Variants in STPG4 observed in about 807,000 individuals in gnomAD.
The protein encoded by STPG4 is sperm-tail PG-rich repeat containing 4, also known as protein STPG4.
STPG4 carries 41 observed loss-of-function variants against 31.5 expected under a neutral mutation model. The observed-to-expected ratio is 1.30, with a 90% CI of 1.01 to 1.69. STPG4 has a LOEUF of 1.69. STPG4 is among the 40% of genes most tolerant of loss of function. The pLI, the probability that STPG4 is intolerant of heterozygous loss-of-function variation, is 0.00. For missense variants in STPG4, 375 were observed against 293.4 expected, an observed-to-expected ratio of 1.28 and a Z score of -2.03; for synonymous variants, 141 against 103.0, an observed-to-expected ratio of 1.37 and a Z score of -2.24.
At chr2:47,088,131 G>C (rs1170956890) in intron 6 of STPG4, among the ~76,000 whole-genome samples, 1 of 151,588 alleles carries the variant, frequency 6.6e-6, no homozygotes, top group African/African-American at 2.4e-5. Flanking sequence ...CCAGCATGGA[G>C]TGCAGTGGCA....
rs1327888962 is a variant in STPG4 at position 47,087,115 on chromosome 2, C to T, written c.640G>A (p.Gly214Arg). ...LPSCSKTPGP[G>R]AYTTLRQFPK... ...AATTGTCTTAAAGTTGTATATGCTCCTGGGCCTGGGGTTTTCTGAAAACAG... is the reference window on the plus strand; with the variant it reads ...AATTGTCTTAAAGTTGTATATGCTCTTGGGCCTGGGGTTTTCTGAAAACAG... Residue 214 changes from glycine to arginine, a missense_variant, in exon 7 of 7, where the codon GGA (glycine) becomes AGA (arginine). Transcript: ENST00000445927. 1 of 1,551,672 alleles carries T rather than the reference C, an allele frequency of 6.4e-7. No individual in the cohort carries two copies. Among genetic ancestry groups the T allele is most frequent in the Non-Finnish European group, 8.7e-7 (1 of 1,147,014 alleles).
chr2:47,132,093 A>T (rs1686496646), intron 3 of STPG4, among the ~76,000 whole-genome samples: 1 of 150,970 alleles, frequency 6.6e-6, no homozygotes, highest in Admixed American at 6.6e-5. Context: ...TGAACCTGGG[A>T]GGCGGGGGTT....
chr2:47,124,606 C>T (rs369668911), intron 5 of STPG4, among the ~76,000 whole-genome samples: 2 of 152,256 alleles, frequency 1.3e-5, no homozygotes. Context: ...AGGAGGACCT[C>T]ATTATTTCTT....
intron 3 of STPG4, among the ~76,000 whole-genome samples, chr2:47,136,142 T>C (rs761002012): frequency 1.2e-4 from 18 of 152,104 alleles, no homozygotes; most frequent in Non-Finnish European, 2.2e-4. Flanking sequence ...AGTTCTTCTT[T>C]GATTTCTTTC....
chr2:47,120,361 G>A (rs1686242839), intron 5 of STPG4, among the ~76,000 whole-genome samples: 1 of 151,730 alleles, frequency 6.6e-6, no homozygotes, highest in African/African-American at 2.4e-5. Context: ...AACAAACTGG[G>A]GACCAGCAGA....
intron 5 of STPG4, among the ~76,000 whole-genome samples, chr2:47,091,460 G>A (rs1685567887): frequency 6.6e-6 from 1 of 152,208 alleles, no homozygotes; most frequent in East Asian, 1.9e-4. Flanking sequence ...ATGCTAACAT[G>A]ATGTTCATCT....
At chr2:47,088,122 C>T (rs1021242721) in intron 6 of STPG4, among the ~76,000 whole-genome samples, 9 of 151,764 alleles carry the variant, frequency 5.9e-5, no homozygotes, top group African/African-American at 2.2e-4. Flanking sequence ...CTCTGTCATC[C>T]AGCATGGAGT....
chr2:47,133,325 C>G (rs1686526114), intron 3 of STPG4, among the ~76,000 whole-genome samples: 1 of 151,866 alleles, frequency 6.6e-6, no homozygotes, highest in Non-Finnish European at 1.5e-5. Flanking sequence ...TGCAACCACA[C>G]CTAGCTATTT....
chr2:47,091,784 C>T (rs534708152), intron 5 of STPG4, among the ~76,000 whole-genome samples: 10 of 152,122 alleles, frequency 6.6e-5, no homozygotes, highest in Middle Eastern at 3.4e-3. Context: ...TATTTTGACC[C>T]AGCAATTCCA....
At position 47,129,765 on chromosome 2, in the gene STPG4, CT is replaced by C. The variant is rs1242640333; in HGVS notation, c.519+175del. On this transcript the variant is annotated intron_variant, in intron 5 of 6. Transcript: ENST00000445927. ...ACCTGGTATTGCGATCCCACACTTG[CT>C]TTTTGGTTCTTACAGAGGTGTTTTC... is the stretch of plus-strand genomic sequence containing the variant. 9.9e-6 allele frequency: 7 copies of C among 705,846 alleles called. No homozygotes were observed. The African/African-American group carries it at 1.1e-4, about 11-fold the overall frequency. The allele number at this position is 705,846 out of a possible 1,614,324, so 43.7% of individuals were successfully genotyped here. A position where few individuals can be genotyped will look rare whatever the true frequency, so the allele number is the denominator to read the frequency against.
At chr2:47,133,738 T>C (rs941682184) in intron 3 of STPG4, among the ~76,000 whole-genome samples, 79 of 151,970 alleles carry the variant, frequency 5.2e-4, no homozygotes, top group African/African-American at 1.9e-3. Flanking sequence ...CCACCACGTC[T>C]GGCTAATTTT....
chr2:47,100,273 G>A (rs1214040150), intron 5 of STPG4, among the ~76,000 whole-genome samples: 2 of 151,604 alleles, frequency 1.3e-5, no homozygotes, highest in Admixed American at 6.6e-5. Flanking sequence ...TCTGTATCTA[G>A]CTCAAGGTTT....
chr2:47,129,756 C>T (rs1686435922), intron 5 of STPG4, 185 bp downstream of exon 5: 1 of 642,780 alleles, frequency 1.6e-6, no homozygotes, highest in East Asian at 3.0e-5. Context: ...TATTGCGATC[C>T]CACACTTGCT....
intron 5 of STPG4, among the ~76,000 whole-genome samples, chr2:47,115,209 A>G (rs1467008726): frequency 6.6e-6 from 1 of 151,848 alleles, no homozygotes; most frequent in African/African-American, 2.4e-5. Flanking sequence ...TTCTTTTGAA[A>G]CATTCCTTCT....
intron 3 of STPG4, among the ~76,000 whole-genome samples, chr2:47,134,356 A>G (rs1686552332): frequency 1.3e-5 from 2 of 152,116 alleles, no homozygotes; most frequent in Admixed American, 1.3e-4. Context: ...GTTCTCCCTA[A>G]TTATCCCTCC....
At chr2:47,143,868 G>A (rs937851684) in intron 3 of STPG4, among the ~76,000 whole-genome samples, 2 of 152,150 alleles carry the variant, frequency 1.3e-5, no homozygotes, top group East Asian at 3.8e-4. Flanking sequence ...ATTTGATACA[G>A]GTGATAAAGC....
At chr2:47,105,890 T>C (rs1022158780) in intron 5 of STPG4, among the ~76,000 whole-genome samples, 4 of 152,142 alleles carry the variant, frequency 2.6e-5, no homozygotes, top group South Asian at 2.1e-4. Context: ...GAAACCCCCA[T>C]TAAATACCAC....
chr2:47,139,601 G>T (rs1457141297), intron 3 of STPG4, among the ~76,000 whole-genome samples: 1 of 151,806 alleles, frequency 6.6e-6, no homozygotes, highest in African/African-American at 2.4e-5. Flanking sequence ...TAATTTGAAG[G>T]GTCACAGGAA....
At chr2:47,136,394 C>T (rs1479152549) in intron 3 of STPG4, among the ~76,000 whole-genome samples, 5 of 152,018 alleles carry the variant, frequency 3.3e-5, no homozygotes, top group Admixed American at 1.3e-4. Context: ...GTGATGCACC[C>T]GCTTTGGCCT....
Sources: allele counts gnomAD v4.1 joint callset (sites outside exome capture counted in the v4.1 genomes callset), GRCh38; gene constraint gnomAD v4.1.1; transcripts MANE v1.5; gene names NCBI Gene and HGNC (gene_info 2026-07-23, HGNC 2026-07-21).